Variants in ARMCX4 observed in about 807,000 individuals in gnomAD.
ARMCX4 encodes armadillo repeat containing X-linked 4, also known as armadillo repeat-containing X-linked protein 4.
A neutral mutation model predicts 34.7 loss-of-function variants in ARMCX4; 3 were observed. The observed-to-expected ratio is 0.09, with a 90% CI of 0.04 to 0.22. The LOEUF is 0.22. ARMCX4 is among the 10% of genes least tolerant of loss of function. The pLI is 1.00. For synonymous variants in ARMCX4, 513 were observed against 632.8 expected (o/e 0.81, Z 2.84); for missense variants, 1,448 against 1,720.8 (o/e 0.84, Z 2.81).
At chrX:101,476,773 C>G (rs1394931951) in intron 4 of ARMCX4, among the ~76,000 whole-genome samples, 1 of 109,532 alleles carries the variant, frequency 9.1e-6, no homozygotes, top group East Asian at 2.8e-4. Flanking sequence ...GATAAATGAA[C>G]TAGACATTTA....
At chrX:101,435,956 A>G (rs1310129965) in intron 2 of ARMCX4, among the ~76,000 whole-genome samples, 1 of 111,009 alleles carries the variant, frequency 9.0e-6, no homozygotes, top group Admixed American at 9.7e-5. Context: ...ATAGTTGTAG[A>G]TATGTGGCGT....
At chrX:101,440,304 C>T (rs1388644431) in intron 2 of ARMCX4, among the ~76,000 whole-genome samples, 1 of 111,786 alleles carries the variant, frequency 8.9e-6, no homozygotes, top group East Asian at 2.8e-4. Flanking sequence ...TATTGGTGAA[C>T]AGCAAATGCT....
At chrX:101,521,803 C>T (rs1934859531) in intron 11 of ARMCX4, among the ~76,000 whole-genome samples, 1 of 111,283 alleles carries the variant, frequency 9.0e-6, no homozygotes, top group Non-Finnish European at 1.9e-5. Context: ...TTAATTTGCA[C>T]ATATGTGTGC....
intron 4 of ARMCX4, among the ~76,000 whole-genome samples, chrX:101,459,336 T>C (rs1282461633): frequency 1.8e-5 from 2 of 112,231 alleles, no homozygotes; most frequent in African/African-American, 6.5e-5. Context: ...ACTTTCTTCT[T>C]ATAAATCTTG....
chrX:101,423,283 C>T (rs961494311), intron 2 of ARMCX4, among the ~76,000 whole-genome samples: 3 of 110,176 alleles, frequency 2.7e-5, no homozygotes, highest in Non-Finnish European at 3.8e-5. Flanking sequence ...CTCATTTTCG[C>T]GAATTACAGC....
chrX:101,515,414 T>TCCCTTCCTTC (rs1934707976), intron 11 of ARMCX4, among the ~76,000 whole-genome samples: 1 of 12,323 alleles, frequency 8.1e-5, no homozygotes, highest in African/African-American at 3.2e-4. Flanking sequence ...TCCCTCCCTC[T>TCCCTTCCTTC]CTTCCTTCCT....
intron 2 of ARMCX4, among the ~76,000 whole-genome samples, chrX:101,426,045 A>T (rs1260131588): frequency 1.8e-5 from 2 of 110,118 alleles, no homozygotes; most frequent in African/African-American, 6.6e-5. Flanking sequence ...CTGGTCTCGA[A>T]TTCCAGGGCT....
chrX:101,503,194 T>A (rs1475674213), intron 7 of ARMCX4, among the ~76,000 whole-genome samples: 3 of 110,477 alleles, frequency 2.7e-5, no homozygotes, highest in Non-Finnish European at 5.7e-5. Context: ...ATTGTTGGAC[T>A]TTTGGGTTGG....
At chrX:101,421,425 G>A (rs1929246556) in intron 2 of ARMCX4, among the ~76,000 whole-genome samples, 1 of 110,885 alleles carries the variant, frequency 9.0e-6, no homozygotes, top group Non-Finnish European at 1.9e-5. Context: ...TGCAGGACTT[G>A]GCAATGGATT....
chrX:101,490,179 C>A lies in ARMCX4; in HGVS notation c.1590C>A (p.Gly530=), dbSNP rs1933913671. Residue 530 remains glycine, a synonymous_variant, in exon 6 of 6, where the codon GGC becomes GGA. Transcript: ENST00000423738. The part of the protein sequence containing the change: ...ALPNTRGKAR[G]KAKAKCKTGP... ...CTAATACTAGAGGTAAGGCTAGGGG[C>A]AAAGCCAAAGCCAAGTGTAAGACAG... 1.7e-6 allele frequency: 2 copies of A among 1,155,211 alleles called. No homozygotes were observed. The highest frequency in any genetic ancestry group is 1.9e-5 in the South Asian group (1 of 52,702).
rs376276188 is a variant in ARMCX4, at chrX:101,444,271, A to G, written n.268+116A>G. ...CATACAGACTAAGACAACTTCCTTGACCAAACTTTAATTGGGCTCATCTGA... is the reference window on the plus strand; with the variant it reads ...CATACAGACTAAGACAACTTCCTTGGCCAAACTTTAATTGGGCTCATCTGA... On this transcript the variant is annotated intron_variant and non_coding_transcript_variant, in intron 3 of 3. Coordinates refer to the ARMCX4 transcript ENST00000430461. 7.4e-4 allele frequency: 114 copies of G among 153,456 alleles called. 1 individual carries two copies. The highest frequency in any genetic ancestry group is 3.2e-3 in the African/African-American group (102 of 32,160). The allele number at this position is 153,456 out of a possible 1,213,427, so 12.6% of individuals were successfully genotyped here. A position where few individuals can be genotyped will look rare whatever the true frequency, so the allele number is the denominator to read the frequency against.
Position 101,493,171 on chromosome X carries a change from G to A in ARMCX4, c.4582G>A (p.Gly1528Ser). Residue 1528 changes from glycine to serine, a missense_variant, in exon 6 of 6, where the codon GGC becomes AGC. Gly to Ser is a moderately conservative substitution (Grantham distance 56, BLOSUM62 0). Coordinates refer to ENST00000423738, the MANE Select transcript of ARMCX4 (RefSeq NM_001256155.3). ...TNGGSWGGAS[G>S]QDVGGSRPGP... The stretch of plus-strand genomic sequence containing the variant: ...TGGAGGGTCTTGGGGTGGGGCTAGT[G>A]GCCAGGATGTTGGAGGGTCTAGGCC... 4 of 1,155,442 alleles carry A rather than the reference G, an allele frequency of 3.5e-6. No individual in the cohort carries two copies. The highest frequency in any genetic ancestry group is 4.6e-6 in the Non-Finnish European group (4 of 872,737).
At chrX:101,510,862 C>A (rs1378030768) in intron 10 of ARMCX4, among the ~76,000 whole-genome samples, 1 of 111,366 alleles carries the variant, frequency 9.0e-6, no homozygotes, top group Non-Finnish European at 1.9e-5. Flanking sequence ...TTGAAATTAT[C>A]CTTCTGAAAT....
At position 101,438,553 on chromosome X, in the gene ARMCX4, A is replaced by C. The variant is rs374551715; in HGVS notation, n.165-5499A>C. Reference sequence around the variant, plus strand: ...GCACTCCAGTCTGGGTGACAGAGCGAGATTCTGTTCCCCCCCCAAAAAAAG... The same window carrying C: ...GCACTCCAGTCTGGGTGACAGAGCGCGATTCTGTTCCCCCCCCAAAAAAAG... On this transcript the variant is annotated intron_variant and non_coding_transcript_variant, in intron 2 of 3. Coordinates refer to the ARMCX4 transcript ENST00000430461. 3.6e-5 allele frequency among the ~76,000 whole-genome samples: 4 copies of C among 110,753 alleles called. No individual in the cohort carries two copies. In the East Asian group the frequency reaches 8.5e-4, roughly 24 times the overall value.
intron 4 of ARMCX4, 45 bp downstream of exon 4, chrX:101,487,736 G>T (rs1556007237): frequency 2.9e-6 from 2 of 686,082 alleles, no homozygotes; most frequent in Non-Finnish European, 4.0e-6. Flanking sequence ...GAGTGGGTTG[G>T]TGGAGACCAG....
At chrX:101,525,728 C>A (rs1271050742) in intron 11 of ARMCX4, among the ~76,000 whole-genome samples, 1 of 109,699 alleles carries the variant, frequency 9.1e-6, no homozygotes, top group African/African-American at 3.3e-5. Context: ...CCGATTCAAC[C>A]AAGTGGAAGA....
At chrX:101,439,320 G>C (rs1471174401) in intron 2 of ARMCX4, among the ~76,000 whole-genome samples, 2 of 111,633 alleles carry the variant, frequency 1.8e-5, no homozygotes, top group Non-Finnish European at 1.9e-5. Context: ...CTGGCTTGTA[G>C]AGTTTCTGCC....
intron 4 of ARMCX4, among the ~76,000 whole-genome samples, chrX:101,475,994 C>T (rs1933170523): frequency 1.8e-5 from 2 of 111,011 alleles, no homozygotes; most frequent in Non-Finnish European, 3.8e-5. Flanking sequence ...TAACTAATCT[C>T]TCTAATATAA....
At chrX:101,480,151 C>CACACACACACACAG (rs1556005119) in intron 4 of ARMCX4, among the ~76,000 whole-genome samples, 1 of 98,196 alleles carries the variant, frequency 1.0e-5, no homozygotes, top group Non-Finnish European at 2.1e-5. Flanking sequence ...CACACACACA[C>CACACACACACACAG]ACACACACAC....
Sources: allele counts gnomAD v4.1 joint callset (sites outside exome capture counted in the v4.1 genomes callset), GRCh38; gene constraint gnomAD v4.1.1; transcripts MANE v1.5; gene names NCBI Gene and HGNC (gene_info 2026-07-23, HGNC 2026-07-21).